ADAM23: variants seen among roughly 807,000 people sequenced by gnomAD.
ADAM23 encodes the protein disintegrin and metalloproteinase domain-containing protein 23.
Under a neutral mutation model 120.1 loss-of-function variants are expected in ADAM23, and 33 were observed. The ratio of observed to expected loss-of-function variants is 0.27; its 90% CI spans 0.21 to 0.37. ADAM23 has a LOEUF of 0.37. ADAM23 is among the 10% of genes least tolerant of loss of function. The probability of loss-of-function intolerance (pLI) is 1.00; values close to 1 mark genes in which losing one functional copy is unlikely to be tolerated. For synonymous variants in ADAM23, 367 were observed against 375.2 expected (o/e 0.98, Z 0.25); for missense variants, 862 against 1,058.2 (o/e 0.81, Z 2.57).
chr2:206,549,768 T>C (rs1256309740), intron 8 of ADAM23, among the ~76,000 whole-genome samples: 1 of 152,080 alleles, frequency 6.6e-6, no homozygotes, highest in Non-Finnish European at 1.5e-5. Context: ...TTGAGATTTA[T>C]TTATTTTAAC....
chr2:206,492,330 T>A (rs1038873717), intron 3 of ADAM23, among the ~76,000 whole-genome samples: 1 of 151,886 alleles, frequency 6.6e-6, no homozygotes, highest in African/African-American at 2.4e-5. Context: ...AGCAAGAAAC[T>A]TGGGACATGG....
At chr2:206,557,547 A>T (rs1398459322) in intron 10 of ADAM23, 49 bp downstream of exon 10, 1 of 1,481,386 alleles carries the variant, frequency 6.8e-7, no homozygotes, top group South Asian at 1.1e-5. Context: ...GGAATGGTTT[A>T]TCTCTATTTG....
At chr2:206,446,477 T>C (rs1695084293) in intron 2 of ADAM23, among the ~76,000 whole-genome samples, 1 of 152,246 alleles carries the variant, frequency 6.6e-6, no homozygotes, top group Non-Finnish European at 1.5e-5. Flanking sequence ...AGAAAGTATC[T>C]GCAGTTTACA....
intron 2 of ADAM23, among the ~76,000 whole-genome samples, chr2:206,473,139 A>G (rs1446140638): frequency 6.6e-6 from 1 of 152,140 alleles, no homozygotes; most frequent in Admixed American, 6.5e-5. Context: ...TCACACCACA[A>G]TCCACATTGC....
At chr2:206,526,746 A>G (rs1217329290) in intron 3 of ADAM23, among the ~76,000 whole-genome samples, 1 of 152,250 alleles carries the variant, frequency 6.6e-6, no homozygotes, top group Non-Finnish European at 1.5e-5. Flanking sequence ...TTTGGTGGAC[A>G]CACAGCATTA....
intron 3 of ADAM23, among the ~76,000 whole-genome samples, chr2:206,500,753 A>G (rs541939570): frequency 2.0e-5 from 3 of 152,244 alleles, no homozygotes; most frequent in African/African-American, 4.8e-5. Context: ...GTTCGCTGGG[A>G]GATACTTTCC....
chr2:206,457,289 G>A (rs1695319667), intron 2 of ADAM23, among the ~76,000 whole-genome samples: 1 of 152,188 alleles, frequency 6.6e-6, no homozygotes, highest in Non-Finnish European at 1.5e-5. Context: ...TTCTGGATGA[G>A]GAAATGCAAC....
At chr2:206,555,100 A>C (rs984347434) in intron 9 of ADAM23, among the ~76,000 whole-genome samples, 2 of 152,088 alleles carry the variant, frequency 1.3e-5, no homozygotes. Context: ...TCAAGTCTTT[A>C]AGTGGGATCA....
At chr2:206,606,504 TG>T (rs748102208) in intron 24 of ADAM23, 12 of 152,192 alleles carry the variant, frequency 7.9e-5, no homozygotes, top group Non-Finnish European at 1.5e-4. Context: ...GCATTAAGAA[TG>T]AAAAAATATT....
chr2:206,509,389 A>G (rs558489420), intron 3 of ADAM23, among the ~76,000 whole-genome samples: 3 of 152,300 alleles, frequency 2.0e-5, no homozygotes, highest in African/African-American at 7.2e-5. Flanking sequence ...ATTAAATTTA[A>G]CAAAATTTGA....
At chr2:206,466,872 T>C (rs1695551579) in intron 2 of ADAM23, among the ~76,000 whole-genome samples, 1 of 152,148 alleles carries the variant, frequency 6.6e-6, no homozygotes, top group Non-Finnish European at 1.5e-5. Flanking sequence ...TGGGGAGGCC[T>C]CAGGAAACTT....
At chr2:206,535,868 G>A (rs909811007) in intron 4 of ADAM23, among the ~76,000 whole-genome samples, 5 of 152,178 alleles carry the variant, frequency 3.3e-5, no homozygotes, top group Non-Finnish European at 5.9e-5. Context: ...CTGAGGTGAT[G>A]AGACTATTCT....
intron 2 of ADAM23, among the ~76,000 whole-genome samples, chr2:206,468,778 C>T (rs1167064990): frequency 6.6e-6 from 1 of 152,104 alleles, no homozygotes; most frequent in East Asian, 1.9e-4. Flanking sequence ...TAAAAAAATA[C>T]CTGAGACTGT....
chr2:206,497,353 A>C (rs1696275788), intron 3 of ADAM23, among the ~76,000 whole-genome samples: 1 of 152,116 alleles, frequency 6.6e-6, no homozygotes, highest in South Asian at 2.1e-4. Flanking sequence ...TCAACATACG[A>C]AAATCAATAA....
chr2:206,560,260 C>T, intron 11 of ADAM23, 142 bp downstream of exon 11: 1 of 873,610 alleles, frequency 1.1e-6, no homozygotes, highest in Non-Finnish European at 1.7e-6. Flanking sequence ...AGATAAGAAG[C>T]ATGGAGTTAG....
chr2:206,508,070 C>G (rs1696532131), intron 3 of ADAM23, among the ~76,000 whole-genome samples: 1 of 152,104 alleles, frequency 6.6e-6, no homozygotes, highest in Non-Finnish European at 1.5e-5. Flanking sequence ...CGCTCTGTTT[C>G]CCAGGCTGGA....
At chr2:206,482,911 G>A (rs1176884565) in intron 3 of ADAM23, among the ~76,000 whole-genome samples, 1 of 152,192 alleles carries the variant, frequency 6.6e-6, no homozygotes, top group African/African-American at 2.4e-5. Context: ...GCAAGGCCAC[G>A]TTGCAGTGTG....
intron 18 of ADAM23, among the ~76,000 whole-genome samples, chr2:206,585,308 T>C (rs1029634959): frequency 1.3e-5 from 2 of 152,186 alleles, no homozygotes; most frequent in Non-Finnish European, 2.9e-5. Flanking sequence ...GAGATAATGA[T>C]TGCATTTTGA....
chr2:206,532,388 A>C (rs1218402148), intron 4 of ADAM23, among the ~76,000 whole-genome samples: 1 of 152,120 alleles, frequency 6.6e-6, no homozygotes, highest in African/African-American at 2.4e-5. Context: ...TTGAGGTCCC[A>C]AAAGGAGACC....
Sources: gnomAD v4.1 joint callset for allele counts (sites outside exome capture counted in the v4.1 genomes callset) on GRCh38, gnomAD v4.1.1 for gene constraint, MANE v1.5 for transcripts, NCBI Gene and HGNC (gene_info 2026-07-23, HGNC 2026-07-21) for gene names.